Variants in SLC5A1 observed in about 807,000 individuals in gnomAD.
SLC5A1 encodes the protein solute carrier family 5 member 1.
In SLC5A1, 42 loss-of-function variants were observed where a neutral mutation model predicts 73.5. The observed-to-expected ratio is 0.57, with a 90% CI of 0.45 to 0.74. The LOEUF is 0.74. Ranked by LOEUF, SLC5A1 falls within the 30% of genes least tolerant of loss-of-function variation. SLC5A1 has a pLI of 0.00. For synonymous variants in SLC5A1, 300 were observed against 317.4 expected (o/e 0.95, Z 0.58); for missense variants, 634 against 855.4 (o/e 0.74, Z 3.23).
At chr22:32,048,670 C>T (rs2093940339) in intron 1 of SLC5A1, among the ~76,000 whole-genome samples, 1 of 152,120 alleles carries the variant, frequency 6.6e-6, no homozygotes, top group Non-Finnish European at 1.5e-5. Flanking sequence ...TAATAAAATT[C>T]CACTCTTTCT....
chr22:32,077,755 C>G (rs946753907), intron 5 of SLC5A1, among the ~76,000 whole-genome samples: 3 of 152,174 alleles, frequency 2.0e-5, no homozygotes, highest in Non-Finnish European at 4.4e-5. Flanking sequence ...TCATTTTCCT[C>G]TTTCCTAAAA....
At chr22:32,084,042 T>C (rs2094004084) in intron 7 of SLC5A1, among the ~76,000 whole-genome samples, 1 of 152,176 alleles carries the variant, frequency 6.6e-6, no homozygotes, top group Non-Finnish European at 1.5e-5. Flanking sequence ...TCTAGGTCTG[T>C]GTGTCTCTAG....
intron 10 of SLC5A1, among the ~76,000 whole-genome samples, chr22:32,088,792 G>T (rs1393455976): frequency 6.6e-6 from 1 of 152,042 alleles, no homozygotes; most frequent in African/African-American, 2.4e-5. Flanking sequence ...GTATTCTCCT[G>T]TTTGTCTTTT....
At chr22:32,100,428 T>G (rs1349754212) in intron 12 of SLC5A1, among the ~76,000 whole-genome samples, 2 of 152,224 alleles carry the variant, frequency 1.3e-5, no homozygotes, top group Non-Finnish European at 2.9e-5. Flanking sequence ...CGGAAAGGCT[T>G]TCAATTTTTC....
At chr22:32,055,221 G>C (rs2093950056) in intron 2 of SLC5A1, among the ~76,000 whole-genome samples, 1 of 152,160 alleles carries the variant, frequency 6.6e-6, no homozygotes, top group East Asian at 1.9e-4. Context: ...GAGTGAAAGA[G>C]GACCATTGTC....
Position 32,111,200 on chromosome 22 carries a change from A to G in SLC5A1, c.*987A>G, listed in dbSNP as rs2094056241. The G allele has an allele frequency of 6.6e-6, 1 of 152,100 alleles. No homozygotes were observed. Among genetic ancestry groups the G allele is most frequent in the Non-Finnish European group, 1.5e-5 (1 of 68,050 alleles). 9.4% of individuals were successfully genotyped at this position (152,100 alleles called of 1,614,324 possible). ...CAGATGGCTCAAGCAGCAGACATTT[A>G]TTTTCTCACAGTTCTAGAGGCTAGA... is the stretch of plus-strand genomic sequence containing the variant. On this transcript the variant is annotated 3_prime_UTR_variant, in exon 15 of 15. Transcript: ENST00000266088.
chr22:32,071,637 C>G (rs1367481255), intron 5 of SLC5A1, among the ~76,000 whole-genome samples: 2 of 152,042 alleles, frequency 1.3e-5, no homozygotes, highest in Non-Finnish European at 2.9e-5. Flanking sequence ...GCTCATTGCT[C>G]TATCAAAATG....
chr22:32,112,218 A>T lies in SLC5A1; in HGVS notation c.*2005A>T, dbSNP rs1488649973. On this transcript the variant is annotated 3_prime_UTR_variant, in exon 15 of 15. Coordinates refer to ENST00000266088, the MANE Select transcript of SLC5A1 (RefSeq NM_000343.4). ...TGGTCTTCTAACTTGTCTACATCCCATCCCCATTCCAGGGTCTTCAGAATT... is the reference window on the plus strand; with the variant it reads ...TGGTCTTCTAACTTGTCTACATCCCTTCCCCATTCCAGGGTCTTCAGAATT... 6.6e-6 allele frequency: 1 copy of T among 152,156 alleles called. No homozygotes were observed. The highest frequency in any genetic ancestry group is 2.4e-5 in the African/African-American group (1 of 41,438). The allele number at this position is 152,156 out of a possible 1,614,324, so 9.4% of individuals were successfully genotyped here. A position where few individuals can be genotyped will look rare whatever the true frequency, so the allele number is the denominator to read the frequency against.
chr22:32,099,481 G>C, intron 12 of SLC5A1, 130 bp downstream of exon 12: 1 of 953,292 alleles, frequency 1.0e-6, no homozygotes, highest in Non-Finnish European at 1.7e-6. Flanking sequence ...GCTGCTGAGG[G>C]TTTGTAGGGA....
rs200352654 is a variant in SLC5A1, at chr22:32,049,995, G to A, written c.188G>A (p.Arg63Gln). The change falls in exon 2 of 15, where the codon CGA becomes CAA. Residue 63 changes from arginine (R) to glutamine (Q), a missense_variant. This residue lies in a region of SLC5A1 where 422 missense variants were observed against 626.1 expected (regional missense o/e 0.67). Transcript: ENST00000266088. Reference protein sequence around the residue: ...GTVGGFFLAGRSMVWWPIGAS... With the variant: ...GTVGGFFLAGQSMVWWPIGAS... ...GTTGGAGGCTTCTTCCTGGCAGGCC[G>A]AAGTATGGTGTGGTGGCCGGTAAGT... is the stretch of plus-strand genomic sequence containing the variant. 2.4e-5 allele frequency: 39 copies of A among 1,614,004 alleles called. No individual in the cohort carries two copies. The highest frequency in any genetic ancestry group is 3.3e-4 in the Middle Eastern group (2 of 6,060).
intron 14 of SLC5A1, among the ~76,000 whole-genome samples, chr22:32,106,084 T>C (rs1472724616): frequency 6.6e-6 from 1 of 152,228 alleles, no homozygotes; most frequent in East Asian, 1.9e-4. Flanking sequence ...TAATTTCCTT[T>C]CTTTTGGGCA....
chr22:32,051,122 A>G (rs918756594), intron 2 of SLC5A1, among the ~76,000 whole-genome samples: 1 of 152,226 alleles, frequency 6.6e-6, no homozygotes, highest in African/African-American at 2.4e-5. Context: ...GTTTTGGAAG[A>G]GAGTTTGATC....
intron 11 of SLC5A1, among the ~76,000 whole-genome samples, chr22:32,096,641 T>C (rs2094026725): frequency 6.6e-6 from 1 of 152,230 alleles, no homozygotes; most frequent in Non-Finnish European, 1.5e-5. Flanking sequence ...CCTGAAAGCA[T>C]TAAAGTATCA....
intron 1 of SLC5A1, among the ~76,000 whole-genome samples, chr22:32,045,048 A>G (rs916141258): frequency 3.3e-5 from 5 of 152,178 alleles, no homozygotes; most frequent in African/African-American, 1.2e-4. Flanking sequence ...CTAAGGTTAC[A>G]ATAGATGAAA....
chr22:32,088,167 G>T (rs2094011206), intron 10 of SLC5A1, among the ~76,000 whole-genome samples: 1 of 152,108 alleles, frequency 6.6e-6, no homozygotes, highest in African/African-American at 2.4e-5. Flanking sequence ...GAGTGTTTAT[G>T]TTATTCCTTT....
chr22:32,086,384 A>G (rs2094008392), intron 10 of SLC5A1, 57 bp downstream of exon 10: 1 of 1,120,592 alleles, frequency 8.9e-7, no homozygotes, highest in South Asian at 1.2e-5. Flanking sequence ...GATTGGGTTT[A>G]GGCACCACCT....
At chr22:32,085,073 T>A in intron 9 of SLC5A1, 38 bp downstream of exon 9, 1 of 1,613,340 alleles carries the variant, frequency 6.2e-7, no homozygotes, top group Non-Finnish European at 8.5e-7. Flanking sequence ...CACTCTCCCT[T>A]TTTCTGTCTC....
chr22:32,080,875 T>C (rs746565402), intron 5 of SLC5A1, among the ~76,000 whole-genome samples: 1 of 152,018 alleles, frequency 6.6e-6, no homozygotes, highest in Non-Finnish European at 1.5e-5. Context: ...ACACATGTAA[T>C]CCCAGCTACT....
rs1569298801 is a variant in SLC5A1, at chr22:32,049,231, A to ATATCTATATC, written c.136-709_136-708insCTATATCTAT. Among the ~76,000 whole-genome samples, 131 of 119,578 alleles carry ATATCTATATC rather than the reference A, an allele frequency of 1.1e-3. 1 individual carries two copies. The highest frequency in any genetic ancestry group is 2.0e-3 in the South Asian group (8 of 4,060). 78.4% of individuals were successfully genotyped at this position (119,578 alleles called of 152,430 possible). ...TCTATATCTATATCTATATCTATAT[A>ATATCTATATC]TATGATGATTCCAGCAACCTGCTAC... is the stretch of plus-strand genomic sequence containing the variant. On this transcript the variant is annotated intron_variant, in intron 1 of 14. Transcript: ENST00000266088.
Sources: gnomAD v4.1 joint callset for allele counts (sites outside exome capture counted in the v4.1 genomes callset) on GRCh38, gnomAD v4.1.1 for gene constraint, gnomAD v4.1.1 regional missense constraint, MANE v1.5 for transcripts, NCBI Gene and HGNC (gene_info 2026-07-23, HGNC 2026-07-21) for gene names.